The following SDK1 variants were observed in gnomAD, a reference collection of about 807,000 sequenced individuals.
The protein encoded by SDK1 is protein sidekick-1.
SDK1 carries 157 observed loss-of-function variants against 245.5 expected under a neutral mutation model. The observed-to-expected ratio is 0.64, with a 90% CI of 0.56 to 0.73. The LOEUF is 0.73. Ranked by LOEUF, SDK1 falls within the 30% of genes least tolerant of loss-of-function variation. The pLI, the probability that SDK1 is intolerant of heterozygous loss-of-function variation, is 0.00. For missense variants in SDK1, 3,583 were observed against 3,002.3 expected (o/e 1.19, Z -4.52); for synonymous variants, 1,647 against 1,278.5 (o/e 1.29, Z -6.15).
intron 4 of SDK1, among the ~76,000 whole-genome samples, chr7:3,712,929 T>A (rs1196963986): frequency 6.6e-6 from 1 of 152,208 alleles, no homozygotes; most frequent in Non-Finnish European, 1.5e-5. Flanking sequence ...GTTAGTGCAC[T>A]GTTCCCTGAA....
intron 4 of SDK1, among the ~76,000 whole-genome samples, chr7:3,650,828 T>G (rs1782991875): frequency 8.9e-6 from 1 of 112,102 alleles, no homozygotes. Flanking sequence ...GGGATTGGTT[T>G]TTTTTTTTTT....
At chr7:3,503,353 C>T (rs1294109358) in intron 1 of SDK1, among the ~76,000 whole-genome samples, 1 of 152,112 alleles carries the variant, frequency 6.6e-6, no homozygotes, top group African/African-American at 2.4e-5. Context: ...TTGTCAGACA[C>T]CTTACACAAC....
chr7:3,792,703 T>C (rs1298034750), intron 4 of SDK1, among the ~76,000 whole-genome samples: 1 of 147,902 alleles, frequency 6.8e-6, no homozygotes, highest in Non-Finnish European at 1.5e-5. Flanking sequence ...CATCCATCCA[T>C]CCATCCATCC....
chr7:3,472,756 G>T (rs948981265), intron 1 of SDK1, among the ~76,000 whole-genome samples: 1 of 152,168 alleles, frequency 6.6e-6, no homozygotes, highest in East Asian at 1.9e-4. Context: ...GGCCAGTGAC[G>T]TCCTGGAGTT....
chr7:3,407,653 T>C (rs1310319893), intron 1 of SDK1, among the ~76,000 whole-genome samples: 3 of 152,200 alleles, frequency 2.0e-5, no homozygotes, highest in Admixed American at 6.6e-5. Flanking sequence ...TTATAAAATA[T>C]TATAAACTCC....
At chr7:3,677,179 G>T (rs1442999914) in intron 4 of SDK1, among the ~76,000 whole-genome samples, 1 of 152,074 alleles carries the variant, frequency 6.6e-6, no homozygotes, top group Non-Finnish European at 1.5e-5. Context: ...CAGGGATTCT[G>T]CTCTGTGTGC....
intron 1 of SDK1, among the ~76,000 whole-genome samples, chr7:3,380,348 A>G (rs900046304): frequency 3.9e-5 from 6 of 152,232 alleles, no homozygotes; most frequent in African/African-American, 7.2e-5. Flanking sequence ...TAATTGTTTT[A>G]ACGTTGTTAA....
chr7:4,066,836 G>A (rs554140064), intron 19 of SDK1, among the ~76,000 whole-genome samples: 1 of 152,368 alleles, frequency 6.6e-6, no homozygotes, highest in African/African-American at 2.4e-5. Flanking sequence ...CCATCTGCAT[G>A]TGGGGCGGAG....
chr7:3,673,934 A>G (rs1783804591), intron 4 of SDK1, among the ~76,000 whole-genome samples: 1 of 152,240 alleles, frequency 6.6e-6, no homozygotes, highest in Non-Finnish European at 1.5e-5. Flanking sequence ...TTTTATTAAA[A>G]ATAAATAGAA....
chr7:3,463,709 C>G (rs1780903075), intron 1 of SDK1, among the ~76,000 whole-genome samples: 3 of 152,168 alleles, frequency 2.0e-5, no homozygotes. Context: ...TGTGAGGAGC[C>G]TCATTCATTT....
intron 1 of SDK1, among the ~76,000 whole-genome samples, chr7:3,429,601 ATTT>A (rs111619702): frequency 7.1e-6 from 1 of 140,560 alleles, no homozygotes; most frequent in Non-Finnish European, 1.6e-5. Context: ...GCAAAAGCCT[ATTT>A]TTTTTTTTTT....
At chr7:3,470,955 T>G (rs1037485371) in intron 1 of SDK1, among the ~76,000 whole-genome samples, 5 of 152,206 alleles carry the variant, frequency 3.3e-5, no homozygotes, top group Non-Finnish European at 7.4e-5. Context: ...GTGACATAAT[T>G]TGCTTATTTG....
chr7:3,379,505 C>A lies in SDK1; in HGVS notation c.298+77621C>A, dbSNP rs559259268. Reference sequence around the variant, plus strand: ...GCTTTGGAAACAGGATGGGGAAAGACCTTTATTCGTAGATGGAGGGGAACG... The same window carrying A: ...GCTTTGGAAACAGGATGGGGAAAGAACTTTATTCGTAGATGGAGGGGAACG... On this transcript the variant is annotated intron_variant, in intron 1 of 44. Transcript: ENST00000404826. Among the ~76,000 whole-genome samples, 6 of 152,186 alleles carry A rather than the reference C, an allele frequency of 3.9e-5. No individual in the cohort carries two copies. The South Asian group carries it at 1.0e-3, about 26-fold the overall frequency.
intron 4 of SDK1, among the ~76,000 whole-genome samples, chr7:3,745,999 G>T (rs985441554): frequency 6.6e-6 from 1 of 152,112 alleles, no homozygotes; most frequent in Non-Finnish European, 1.5e-5. Flanking sequence ...CTCTGTAGAG[G>T]TTTCCCTCAT....
intron 4 of SDK1, among the ~76,000 whole-genome samples, chr7:3,654,692 A>G (rs1783108906): frequency 6.6e-6 from 1 of 152,192 alleles, no homozygotes; most frequent in African/African-American, 2.4e-5. Context: ...AGATAGAGAA[A>G]CGTTTCTGTG....
At chr7:3,681,522 A>T (rs1426380925) in intron 4 of SDK1, among the ~76,000 whole-genome samples, 1 of 152,192 alleles carries the variant, frequency 6.6e-6, no homozygotes, top group Non-Finnish European at 1.5e-5. Flanking sequence ...TTATTTTTCA[A>T]AATGCCAATT....
intron 4 of SDK1, among the ~76,000 whole-genome samples, chr7:3,783,098 T>A (rs1301575822): frequency 1.3e-5 from 2 of 152,188 alleles, no homozygotes; most frequent in Non-Finnish European, 2.9e-5. Context: ...TATATCACAT[T>A]AATGGAATGA....
At chr7:3,531,600 T>C (rs977560375) in intron 1 of SDK1, among the ~76,000 whole-genome samples, 3 of 152,156 alleles carry the variant, frequency 2.0e-5, no homozygotes, top group Non-Finnish European at 2.9e-5. Flanking sequence ...TAGTCAAAAA[T>C]AAGTGATACA....
At chr7:3,925,440 G>C (rs556242780) in intron 5 of SDK1, among the ~76,000 whole-genome samples, 2 of 152,326 alleles carry the variant, frequency 1.3e-5, no homozygotes, top group African/African-American at 4.8e-5. Context: ...TAGGGCAAAA[G>C]CGACGGCGTT....
Sources: gnomAD v4.1 joint callset for allele counts (sites outside exome capture counted in the v4.1 genomes callset) on GRCh38, gnomAD v4.1.1 for gene constraint, MANE v1.5 for transcripts, NCBI Gene and HGNC (gene_info 2026-07-23, HGNC 2026-07-21) for gene names.